The following WDR90 variants were observed in gnomAD, a reference collection of about 807,000 sequenced individuals.
WDR90 encodes the protein WD repeat-containing protein 90.
Under a neutral mutation model 195.2 loss-of-function variants are expected in WDR90, and 238 were observed. The observed-to-expected ratio is 1.22, with a 90% CI of 1.10 to 1.36. The LOEUF (loss-of-function observed/expected upper bound fraction) is 1.36, where lower values mean the gene tolerates loss of function less well. WDR90 is among the 40% of genes most tolerant of loss of function. The pLI, the probability that WDR90 is intolerant of heterozygous loss-of-function variation, is 0.00. For missense variants in WDR90, 2,734 were observed against 2,439.5 expected (o/e 1.12, Z -2.54); for synonymous variants, 1,265 against 1,052.4 (o/e 1.20, Z -3.91).
intron 26 of WDR90, among the ~76,000 whole-genome samples, 200 bp downstream of exon 26, chr16:659,576 G>A (rs552929379): frequency 5.9e-5 from 9 of 152,240 alleles, no homozygotes; most frequent in East Asian, 3.9e-4. Flanking sequence ...CGGTGGGGTC[G>A]GGATGGGGGC....
chr16:658,061 C>T, intron 21 of WDR90, 122 bp from the exon 22 acceptor site: 1 of 1,467,064 alleles, frequency 6.8e-7, no homozygotes, highest in Non-Finnish European at 9.1e-7. Flanking sequence ...GGTTCCTGTG[C>T]AGGGCAGGTG....
chr16:665,718 G>A lies in WDR90; in HGVS notation c.4351G>A (p.Ala1451Thr), dbSNP rs1239661814. The change falls in exon 35 of 41, where the codon GCC (alanine) becomes ACC (threonine). Residue 1451 changes from alanine (A) to threonine (T), a missense_variant. By Grantham distance (58) the Ala-to-Thr change is moderately conservative. Coordinates refer to ENST00000293879, the MANE Select transcript of WDR90 (RefSeq NM_145294.5). ...CTTCAGCCCCGGGGAGTCCCACTGC[G>A]CCACATGCAGTGAGGATGGGAGTGT... ...VVFSPGESHC[A>T]TCSEDGSVRV... 1.5e-5 allele frequency: 24 copies of A among 1,612,554 alleles called. No individual in the cohort carries two copies. The highest frequency in any genetic ancestry group is 1.7e-4 in the Middle Eastern group (1 of 6,060).
rs372820734 is a variant in WDR90 at position 655,490 on chromosome 16, C to T, written c.1718+22C>T. On this transcript the variant is annotated intron_variant, in intron 15 of 40. Transcript: ENST00000293879. ...TGCTGTGAGTCCCTGCCCTTCCCCA[C>T]GGCCTGCCCCGGCATGGGGGCCCTG... 3.9e-5 allele frequency: 60 copies of T among 1,526,924 alleles called. 1 individual carries two copies. The highest frequency in any genetic ancestry group is 2.1e-4 in the East Asian group (9 of 43,070). 94.6% of individuals were successfully genotyped at this position (1,526,924 alleles called of 1,614,324 possible). A position where few individuals can be genotyped will look rare whatever the true frequency, so the allele number is the denominator to read the frequency against.
At chr16:651,398 C>T (rs1008919378) in intron 7 of WDR90, 132 bp downstream of exon 7, 32 of 1,198,610 alleles carry the variant, frequency 2.7e-5, no homozygotes, top group Admixed American at 4.3e-5. Flanking sequence ...CAGGGAAGCC[C>T]GTAGGTTGTC....
intron 34 of WDR90, among the ~76,000 whole-genome samples, chr16:663,761 G>A (rs2037965756): frequency 6.6e-6 from 1 of 152,178 alleles, no homozygotes; most frequent in South Asian, 2.1e-4. Flanking sequence ...CCACCGTGTC[G>A]CCCCCTCACC....
At chr16:656,649 G>A (rs974930355) in intron 18 of WDR90, 83 bp from the exon 19 acceptor site, 11 of 1,569,908 alleles carry the variant, frequency 7.0e-6, no homozygotes, top group South Asian at 3.5e-5. Context: ...AGCCTGTGTC[G>A]GCCCCATGGG....
intron 34 of WDR90, chr16:665,021 C>G (rs917747404): frequency 1.9e-5 from 3 of 155,102 alleles, no homozygotes; most frequent in African/African-American, 7.2e-5. Context: ...TTCCCACTTG[C>G]ACTTAAAGTT....
At chr16:662,130 C>G (rs917372265) in intron 32 of WDR90, 71 bp downstream of exon 32, 1 of 1,556,028 alleles carries the variant, frequency 6.4e-7, no homozygotes, top group African/African-American at 1.4e-5. Context: ...GGGCAGAGGC[C>G]TCATCTGTAG....
At position 664,773 on chromosome 16, in the gene WDR90, G is replaced by A. The variant is rs187535469; in HGVS notation, c.4312-906G>A. On this transcript the variant is annotated intron_variant, in intron 34 of 40. Coordinates refer to ENST00000293879, the MANE Select transcript of WDR90 (RefSeq NM_145294.5). ...TGGCTCACTGCAAGCTCCGCCTCCC[G>A]GGTTCACACCATTCTCCTGTCTCAG... Among the ~76,000 whole-genome samples the A allele has an allele frequency of 1.5e-4, 23 of 151,304 alleles. No individual in the cohort carries two copies. In the East Asian group the frequency reaches 2.3e-3, roughly 15 times the overall value.
intron 9 of WDR90, 139 bp downstream of exon 9, chr16:652,178 G>T: frequency 9.5e-7 from 1 of 1,057,128 alleles, no homozygotes; most frequent in Non-Finnish European, 1.3e-6. Context: ...GAGCAGAGCT[G>T]GCGGGAGGCG....
At position 651,625 on chromosome 16, in the gene WDR90, G is replaced by A. The variant is rs779878595; in HGVS notation, c.737-19G>A. On this transcript the variant is annotated intron_variant, in intron 7 of 40. Transcript: ENST00000293879. ...CACAGCTGGCCCCTGGGTCACTGGG[G>A]TTCTTTGCTCTGTTCTAGTCCTCCT... 3.1e-6 allele frequency: 5 copies of A among 1,609,974 alleles called. No homozygotes were observed. The highest frequency in any genetic ancestry group is 4.2e-6 in the Non-Finnish European group (5 of 1,178,938).
In WDR90 at chr16:667,718, T is replaced by TG; in HGVS notation, c.*131dup. On this transcript the variant is annotated 3_prime_UTR_variant, in exon 41 of 41. Transcript: ENST00000293879. ...CAGGCCAGGATTCACGTAAATCGCC[T>TG]GGAGCAAGCTGTTGTAAATTTGGCG... The TG allele has an allele frequency of 7.1e-7, 1 of 1,415,252 alleles. No homozygotes were observed. Among genetic ancestry groups the TG allele is most frequent in the South Asian group, 1.2e-5 (1 of 82,032 alleles). 87.7% of individuals were successfully genotyped at this position (1,415,252 alleles called of 1,614,324 possible). A position where few individuals can be genotyped will look rare whatever the true frequency, so the allele number is the denominator to read the frequency against.
chr16:663,850 G>A (rs564300407), intron 34 of WDR90, among the ~76,000 whole-genome samples: 1 of 152,328 alleles, frequency 6.6e-6, no homozygotes, highest in South Asian at 2.1e-4. Flanking sequence ...TTCCCCTGCT[G>A]GACCAGGTTC....
intron 31 of WDR90, 26 bp from the exon 32 acceptor site, chr16:661,865 C>T: frequency 1.2e-6 from 2 of 1,600,204 alleles, no homozygotes; most frequent in Non-Finnish European, 1.7e-6. Context: ...CACTGCTGAC[C>T]CATGGCCACT....
At position 650,475 on chromosome 16, in the gene WDR90, C is replaced by G. The variant is rs879829858; in HGVS notation, c.389-64C>G. 7 of 1,588,450 alleles carry G rather than the reference C, an allele frequency of 4.4e-6. No individual in the cohort carries two copies. The Admixed American group carries it at 1.2e-4, about 27-fold the overall frequency. On this transcript the variant is annotated intron_variant, in intron 4 of 40. Coordinates refer to ENST00000293879, the MANE Select transcript of WDR90 (RefSeq NM_145294.5). The stretch of plus-strand genomic sequence containing the variant: ...GGACAACCTGGCGGGGGCACAAGCT[C>G]ACAGTTCTGGGAGTCGCGGGCTGTC...
At position 667,752 on chromosome 16, in the gene WDR90, A is replaced by C; in HGVS notation, c.*163A>C. ...CTGTTGTAAATTTGGCGCCCTGTGA[A>C]TACTTTCATACCTGTTGCCCTTTTG... On this transcript the variant is annotated 3_prime_UTR_variant, in exon 41 of 41. Coordinates refer to ENST00000293879, the MANE Select transcript of WDR90 (RefSeq NM_145294.5). 3.1e-6 allele frequency: 3 copies of C among 953,096 alleles called. No individual in the cohort carries two copies. The highest frequency in any genetic ancestry group is 4.9e-6 in the Non-Finnish European group (3 of 617,242). 59.0% of individuals were successfully genotyped at this position (953,096 alleles called of 1,614,324 possible).
At chr16:658,011 G>A (rs916189752) in intron 21 of WDR90, 119 bp downstream of exon 21, 24 of 1,453,196 alleles carry the variant, frequency 1.7e-5, no homozygotes, top group South Asian at 4.2e-5. Context: ...GCCTCCTGTC[G>A]CAGAGTACAC....
intron 26 of WDR90, among the ~76,000 whole-genome samples, chr16:659,733 G>C (rs898939995): frequency 2.0e-5 from 3 of 152,202 alleles, no homozygotes; most frequent in Non-Finnish European, 4.4e-5. Context: ...GGCTGGAGAC[G>C]GGGCCTGGGC....
chr16:660,440 C>A, intron 27 of WDR90, 172 bp from the exon 28 acceptor site: 1 of 711,194 alleles, frequency 1.4e-6, no homozygotes, highest in Non-Finnish European at 2.3e-6. Flanking sequence ...CCCCTCCTGG[C>A]CCTGGCACAG....
Sources: allele counts gnomAD v4.1 joint callset (sites outside exome capture counted in the v4.1 genomes callset), GRCh38; gene constraint gnomAD v4.1.1; transcripts MANE v1.5; gene names NCBI Gene and HGNC (gene_info 2026-07-23, HGNC 2026-07-21).